Variants in CLASP2 observed in about 807,000 individuals in gnomAD.
CLASP2 encodes the protein CLIP-associating protein 2.
A neutral mutation model predicts 194.4 loss-of-function variants in CLASP2; 47 were observed. The ratio of observed to expected loss-of-function variants is 0.24; its 90% CI spans 0.19 to 0.31. The LOEUF (loss-of-function observed/expected upper bound fraction) is 0.31. Ranked by LOEUF, CLASP2 falls within the 10% of genes least tolerant of loss-of-function variation. The probability of loss-of-function intolerance (pLI) is 1.00; values close to 1 mark genes in which losing one functional copy is unlikely to be tolerated. For missense variants in CLASP2, 1,445 were observed against 1,823.6 expected (o/e 0.79, Z 3.78); for synonymous variants, 619 against 633.5 (o/e 0.98, Z 0.34).
At chr3:33,506,511 T>C (rs960691149) in intron 37 of CLASP2, among the ~76,000 whole-genome samples, 9 of 151,976 alleles carry the variant, frequency 5.9e-5, no homozygotes, top group Admixed American at 1.3e-4. Context: ...TCTTGGTTAC[T>C]ATAAGTTTTT....
intron 3 of CLASP2, chr3:33,689,605 AATCT>A: frequency 5.2e-6 from 2 of 387,028 alleles, no homozygotes; most frequent in Non-Finnish European, 9.2e-6. Flanking sequence ...AAATCACTGA[AATCT>A]ATTAGTTAGC....
At chr3:33,600,953 CTTTT>C (rs1205156622) in intron 18 of CLASP2, among the ~76,000 whole-genome samples, 3 of 105,780 alleles carry the variant, frequency 2.8e-5, no homozygotes, top group African/African-American at 7.2e-5. Flanking sequence ...CTTGATAAGG[CTTTT>C]TTTTTTTTTT....
At chr3:33,701,708 GGAAA>G (rs1418091117) in intron 1 of CLASP2, among the ~76,000 whole-genome samples, 4 of 152,266 alleles carry the variant, frequency 2.6e-5, no homozygotes, top group African/African-American at 7.2e-5. Flanking sequence ...ATTCAATGAA[GGAAA>G]GAAATATACT....
intron 5 of CLASP2, among the ~76,000 whole-genome samples, chr3:33,684,666 G>C (rs973897207): frequency 2.0e-5 from 3 of 152,114 alleles, no homozygotes; most frequent in African/African-American, 7.2e-5. Flanking sequence ...ACAGAAATTT[G>C]AGAAACTTGT....
chr3:33,569,692 G>A (rs2063398128), intron 26 of CLASP2, among the ~76,000 whole-genome samples: 1 of 151,940 alleles, frequency 6.6e-6, no homozygotes, highest in Non-Finnish European at 1.5e-5. Flanking sequence ...GTCTTTTAAT[G>A]GGATATTTTA....
intron 1 of CLASP2, among the ~76,000 whole-genome samples, chr3:33,704,646 G>T (rs931353820): frequency 1.3e-5 from 2 of 152,040 alleles, no homozygotes; most frequent in Non-Finnish European, 2.9e-5. Flanking sequence ...CCAGCTACTT[G>T]GGAGGCTGAG....
chr3:33,627,345 G>C (rs1430186191), intron 9 of CLASP2: 1 of 391,416 alleles, frequency 2.6e-6, no homozygotes, highest in African/African-American at 2.1e-5. Context: ...TTAAAAACAA[G>C]ATGTAAAATA....
chr3:33,653,924 A>T (rs1226494229), intron 7 of CLASP2, among the ~76,000 whole-genome samples: 1 of 152,156 alleles, frequency 6.6e-6, no homozygotes, highest in African/African-American at 2.4e-5. Flanking sequence ...TCAAAAGGGT[A>T]AAGAAAATAA....
chr3:33,536,138 T>C (rs2057286577), intron 33 of CLASP2, among the ~76,000 whole-genome samples: 1 of 152,106 alleles, frequency 6.6e-6, no homozygotes, highest in Non-Finnish European at 1.5e-5. Context: ...TCTTAAAATA[T>C]TTACTATGCA....
chr3:33,694,471 A>G (rs977519854), intron 2 of CLASP2, among the ~76,000 whole-genome samples: 6 of 152,224 alleles, frequency 3.9e-5, no homozygotes, highest in Non-Finnish European at 2.9e-5. Context: ...GGGAGCTACT[A>G]CAGGGCAACA....
chr3:33,550,392 C>CAAAAAAAAA (rs555351261), intron 30 of CLASP2, among the ~76,000 whole-genome samples: 1 of 51,680 alleles, frequency 1.9e-5, no homozygotes, highest in African/African-American at 6.6e-5. Context: ...GAGACTGCCT[C>CAAAAAAAAA]AAAAAAAAAA....
At chr3:33,528,524 T>C (rs1346586072) in intron 34 of CLASP2, among the ~76,000 whole-genome samples, 5 of 152,066 alleles carry the variant, frequency 3.3e-5, no homozygotes, top group Admixed American at 2.0e-4. Context: ...CATTTTGGGA[T>C]GCCGAGATGG....
intron 27 of CLASP2, among the ~76,000 whole-genome samples, chr3:33,565,081 A>C (rs1463091246): frequency 6.6e-6 from 1 of 151,980 alleles, no homozygotes. Flanking sequence ...TCCTTAGCCT[A>C]CTCAAGGTGA....
At chr3:33,592,652 G>T in intron 20 of CLASP2, 156 bp from the exon 21 acceptor site, 1 of 694,608 alleles carries the variant, frequency 1.4e-6, no homozygotes, top group Non-Finnish European at 2.5e-6. Flanking sequence ...TTTATAAACA[G>T]TAATTTTTTT....
intron 2 of CLASP2, 149 bp from the exon 3 acceptor site, chr3:33,690,081 A>G: frequency 2.1e-6 from 1 of 484,372 alleles, no homozygotes. Flanking sequence ...ACATGAATCC[A>G]ATAAAAAATA....
Position 33,584,846 on chromosome 3 carries a change from T to C in CLASP2, c.2143A>G (p.Arg715Gly). The C allele has an allele frequency of 6.2e-7, 1 of 1,613,942 alleles. No homozygotes were observed. The highest frequency in any genetic ancestry group is 8.5e-7 in the Non-Finnish European group (1 of 1,179,874). Residue 715 changes from arginine to glycine, a missense_variant, in exon 22 of 39, where the codon AGA becomes GGA. Arg to Gly is a moderately radical substitution (Grantham distance 125). Coordinates refer to ENST00000682230, the MANE Select transcript of CLASP2 (RefSeq NM_001365631.1). Reference protein sequence around the residue: ...ALSTVSSGVQRVLVNSASAQK... With the variant: ...ALSTVSSGVQGVLVNSASAQK... ...GCTGAGGCTGAATTGACCAGGACTCTTTGAACACCAGAGCTCACAGTGGAC... is the reference window on the plus strand; with the variant it reads ...GCTGAGGCTGAATTGACCAGGACTCCTTGAACACCAGAGCTCACAGTGGAC...
intron 29 of CLASP2, among the ~76,000 whole-genome samples, chr3:33,553,211 G>A (rs1413744070): frequency 1.3e-5 from 2 of 151,948 alleles, no homozygotes; most frequent in Non-Finnish European, 2.9e-5. Flanking sequence ...TTAAAATAAG[G>A]TTCTGACACT....
chr3:33,665,400 G>A (rs1255836185), intron 6 of CLASP2, among the ~76,000 whole-genome samples: 4 of 152,036 alleles, frequency 2.6e-5, no homozygotes, highest in Admixed American at 6.6e-5. Flanking sequence ...GAAGAAAAAG[G>A]GGCCAGAGTA....
chr3:33,645,028 A>G, intron 7 of CLASP2, 125 bp from the exon 8 acceptor site: 5 of 1,010,942 alleles, frequency 4.9e-6, no homozygotes, highest in Non-Finnish European at 7.4e-6. Context: ...AATACGAAAT[A>G]AAGGTCCTTT....
Sources: gnomAD v4.1 joint callset for allele counts (sites outside exome capture counted in the v4.1 genomes callset) on GRCh38, gnomAD v4.1.1 for gene constraint, MANE v1.5 for transcripts, NCBI Gene and HGNC (gene_info 2026-07-23, HGNC 2026-07-21) for gene names.